Variants in RLN2 observed in about 807,000 individuals in gnomAD.
RLN2 encodes prorelaxin H2.
A neutral mutation model predicts 7.3 loss-of-function variants in RLN2; 10 were observed. The ratio of observed to expected loss-of-function variants is 1.36; its 90% CI spans 0.84 to 2.31. The LOEUF is 2.31. Ranked by LOEUF, RLN2 falls within the 30% of genes most tolerant of loss-of-function variation. The pLI is 0.00. For missense variants in RLN2, 298 were observed against 217.6 expected (o/e 1.37, Z -2.32); for synonymous variants, 103 against 82.3 (o/e 1.25, Z -1.36).
chr9:5,329,935 A>G, the RLN2 span, among the ~76,000 whole-genome samples: 66,938 of 151,694 alleles, frequency 0.44, 15,280 homozygotes, highest in African/African-American at 0.49. Context: ...AAAATTCTAC[A>G]CCCCAAATCA....
At chr9:5,323,817 G>A in the RLN2 span, among the ~76,000 whole-genome samples, 7 of 151,904 alleles carry the variant, frequency 4.6e-5, no homozygotes, top group African/African-American at 1.7e-4. Flanking sequence ...AGGCCGAGGT[G>A]GATGGATTCA....
chr9:5,337,710 C>G, the RLN2 span, among the ~76,000 whole-genome samples: 1 of 151,928 alleles, frequency 6.6e-6, no homozygotes, highest in Non-Finnish European at 1.5e-5. Context: ...ATCTTAATCC[C>G]ACGTGCAGGC....
the RLN2 span, among the ~76,000 whole-genome samples, chr9:5,322,969 A>C: frequency 1.2e-4 from 18 of 151,778 alleles, no homozygotes; most frequent in Non-Finnish European, 2.4e-4. Flanking sequence ...CCATCTGCTT[A>C]AAGTATAATT....
chr9:5,307,279 A>G (rs373192335), upstream of RLN2, among the ~76,000 whole-genome samples: 40,066 of 92,982 alleles, frequency 0.43, 5,719 homozygotes, highest in African/African-American at 0.51. Context: ...GAGGATAGAT[A>G]GATAGATAGA....
chr9:5,327,273 C>A, the RLN2 span, among the ~76,000 whole-genome samples: 2 of 152,078 alleles, frequency 1.3e-5, no homozygotes, highest in African/African-American at 2.4e-5. Context: ...GTCCCATGCC[C>A]AAGGAGCCTT....
At chr9:5,331,699 G>C in the RLN2 span, among the ~76,000 whole-genome samples, 12 of 151,908 alleles carry the variant, frequency 7.9e-5, no homozygotes, top group Non-Finnish European at 1.5e-4. Context: ...GATAGCATTA[G>C]GAGAAATACC....
chr9:5,300,517 G>A, intron 1 of RLN2, 73 bp from the exon 2 acceptor site: 1 of 987,174 alleles, frequency 1.0e-6, no homozygotes, highest in Non-Finnish European at 1.5e-6. Flanking sequence ...AACTATGAAT[G>A]TTTGCATAGA....
the RLN2 span, among the ~76,000 whole-genome samples, chr9:5,320,275 C>G: frequency 1.3e-5 from 2 of 151,676 alleles, no homozygotes; most frequent in Non-Finnish European, 2.9e-5. Flanking sequence ...TGTGAGCCAC[C>G]ACACCCGGCA....
At chr9:5,312,011 CT>C in the RLN2 span, among the ~76,000 whole-genome samples, 6 of 150,940 alleles carry the variant, frequency 4.0e-5, no homozygotes, top group African/African-American at 9.7e-5. Context: ...TTTTATTTTA[CT>C]TTTTTTTTAA....
At chr9:5,333,884 T>A in the RLN2 span, among the ~76,000 whole-genome samples, 1 of 152,048 alleles carries the variant, frequency 6.6e-6, no homozygotes, top group Non-Finnish European at 1.5e-5. Context: ...TCAATAAATG[T>A]GATTCATCGC....
the RLN2 span, among the ~76,000 whole-genome samples, chr9:5,319,849 G>A: frequency 6.6e-6 from 1 of 151,938 alleles, no homozygotes; most frequent in Non-Finnish European, 1.5e-5. Context: ...TATGAAGTCA[G>A]AAAATATGGA....
chr9:5,315,725 G>T, the RLN2 span, among the ~76,000 whole-genome samples: 1 of 151,996 alleles, frequency 6.6e-6, no homozygotes, highest in African/African-American at 2.4e-5. Context: ...ATATATGAGA[G>T]GATTCCCATT....
chr9:5,320,168 T>C, the RLN2 span, among the ~76,000 whole-genome samples: 1 of 151,642 alleles, frequency 6.6e-6, no homozygotes, highest in South Asian at 2.1e-4. Context: ...GTAGTTTTAG[T>C]AGAGATGGGG....
intron 1 of RLN2, among the ~76,000 whole-genome samples, chr9:5,301,544 TG>T (rs1266959411): frequency 4.6e-5 from 7 of 152,338 alleles, no homozygotes; most frequent in Admixed American, 2.6e-4. Flanking sequence ...TAAATTACAG[TG>T]AAAACCCATA....
At chr9:5,335,522 G>C in the RLN2 span, 11 of 1,612,844 alleles carry the variant, frequency 6.8e-6, 2 homozygotes, top group Admixed American at 1.3e-4. Flanking sequence ...CTTCAGCTCC[G>C]GTGGCAAATT....
At chr9:5,314,906 G>A in the RLN2 span, among the ~76,000 whole-genome samples, 122 of 151,116 alleles carry the variant, frequency 8.1e-4, 1 homozygote, top group South Asian at 0.019. Flanking sequence ...TTCCCAAATT[G>A]CAGCTGTACC....
upstream of RLN2, among the ~76,000 whole-genome samples, chr9:5,308,583 G>A (rs1363010912): frequency 6.6e-6 from 1 of 151,936 alleles, no homozygotes; most frequent in Non-Finnish European, 1.5e-5. Context: ...AACATCACAA[G>A]GGACCCCAGA....
the RLN2 span, chr9:5,311,565 C>A: frequency 1.2e-5 from 9 of 779,898 alleles, no homozygotes; most frequent in Non-Finnish European, 1.8e-5. Flanking sequence ...GAGCTCAAGC[C>A]TAAAAACGCC....
At chr9:5,315,330 T>C in the RLN2 span, among the ~76,000 whole-genome samples, 2 of 150,234 alleles carry the variant, frequency 1.3e-5, no homozygotes, top group African/African-American at 2.5e-5. Flanking sequence ...ATAGAAAGCT[T>C]CAACAGCAGA....
Sources: gnomAD v4.1 joint callset for allele counts (sites outside exome capture counted in the v4.1 genomes callset) on GRCh38, gnomAD v4.1.1 for gene constraint, MANE v1.5 for transcripts, NCBI Gene and HGNC (gene_info 2026-07-23, HGNC 2026-07-21) for gene names.